The following TRAFD1 variants were observed in gnomAD, a reference collection of about 807,000 sequenced individuals.
The protein encoded by TRAFD1 is TRAF-type zinc finger domain-containing protein 1.
TRAFD1 carries 38 observed loss-of-function variants against 65.3 expected under a neutral mutation model. The ratio of observed to expected loss-of-function variants is 0.58; its 90% confidence interval spans 0.45 to 0.76. The LOEUF is 0.76. Among genes scored for constraint, TRAFD1 ranks in the 30% least tolerant of loss-of-function variants. The probability of loss-of-function intolerance (pLI) is 0.00; values close to 1 mark genes in which losing one functional copy is unlikely to be tolerated. For synonymous variants in TRAFD1, 223 were observed against 257.2 expected (o/e 0.87, Z 1.27); for missense variants, 631 against 712.6 (o/e 0.89, Z 1.30).
At chr12:112,145,457 C>A in intron 6 of TRAFD1, 129 bp from the exon 7 acceptor site, 5 of 858,978 alleles carry the variant, frequency 5.8e-6, no homozygotes, top group Non-Finnish European at 9.0e-6. Context: ...TACAGCCCCA[C>A]AAATTGCTAT....
intron 4 of TRAFD1, among the ~76,000 whole-genome samples, chr12:112,135,274 C>T (rs1289573504): frequency 3.3e-5 from 5 of 152,152 alleles, no homozygotes; most frequent in South Asian, 2.1e-4. Flanking sequence ...TGTTGAGACT[C>T]GCGAAGTATC....
At position 112,148,112 on chromosome 12, in the gene TRAFD1, T is replaced by C; in HGVS notation, c.966T>C (p.Asn322=). 3 of 1,614,198 alleles carry C rather than the reference T, an allele frequency of 1.9e-6. No homozygotes were observed. The highest frequency in any genetic ancestry group is 2.5e-6 in the Non-Finnish European group (3 of 1,179,994). The change falls in exon 8 of 12, where the codon AAT becomes AAC. Residue 322 remains asparagine, a synonymous_variant. Coordinates refer to ENST00000412615, the MANE Select transcript of TRAFD1 (RefSeq NM_006700.3). ...CNPSRALPSL[N]TGSSSPRGVE... The stretch of plus-strand genomic sequence containing the variant: ...CTTCACGTGCCTTACCTTCACTCAA[T>C]ACTGGCAGCTCTTCCCCCAGAGGGG...
rs995721280 is a variant in TRAFD1 at position 112,153,082 on chromosome 12, G to A, written c.*291G>A. 1.4e-5 allele frequency: 5 copies of A among 370,156 alleles called. No individual in the cohort carries two copies. The South Asian group carries it at 1.6e-4, about 12-fold the overall frequency. The allele number at this position is 370,156 out of a possible 1,614,324, so 22.9% of individuals were successfully genotyped here. A position where few individuals can be genotyped will look rare whatever the true frequency, so the allele number is the denominator to read the frequency against. ...CAGGGCTCCCTTTTGACTTATTGTC[G>A]CCACTGCCCCTTGGTGCTGTGTGGT... On this transcript the variant is annotated 3_prime_UTR_variant, in exon 12 of 12. Coordinates refer to ENST00000412615, the MANE Select transcript of TRAFD1 (RefSeq NM_006700.3).
rs1474256660 is a variant in TRAFD1, at chr12:112,130,570, G to A, written c.47+1G>A. ...AGGAAACTCGACTGTGTGACAACTG[G>A]TAAGACATTAAATCTAAGAAATGTT... On this transcript the variant is annotated splice_donor_variant, in intron 2 of 11. Coordinates refer to ENST00000412615, the MANE Select transcript of TRAFD1 (RefSeq NM_006700.3). LOFTEE classifies it high-confidence loss of function. This position sits in a 1 kb window ranked among gnomAD's most constrained non-coding sequence, Gnocchi z 4.4. The A allele has an allele frequency of 1.2e-6, 2 of 1,611,610 alleles. No homozygotes were observed. Among genetic ancestry groups the A allele is most frequent in the Admixed American group, 1.7e-5 (1 of 59,902 alleles).
chr12:112,149,925 C>A, intron 9 of TRAFD1, 54 bp downstream of exon 9: 1 of 1,604,508 alleles, frequency 6.2e-7, no homozygotes, highest in Non-Finnish European at 8.5e-7. Flanking sequence ...TGGCTCCGGC[C>A]TGTTTACCAC....
chr12:112,131,801 A>G (rs1215941338), intron 2 of TRAFD1, among the ~76,000 whole-genome samples: 1 of 152,232 alleles, frequency 6.6e-6, no homozygotes, highest in Non-Finnish European at 1.5e-5. Flanking sequence ...TAAAAGAAAA[A>G]AACCCAGCAG....
chr12:112,128,819 T>C (rs1394405653), intron 1 of TRAFD1, among the ~76,000 whole-genome samples: 4 of 151,856 alleles, frequency 2.6e-5, no homozygotes. Flanking sequence ...GGCTGGTGGA[T>C]CATATGAGGT....
intron 2 of TRAFD1, among the ~76,000 whole-genome samples, chr12:112,131,658 T>C (rs953810151): frequency 6.6e-6 from 1 of 152,202 alleles, no homozygotes; most frequent in Non-Finnish European, 1.5e-5. Context: ...TTTAGCAGTT[T>C]TATCTGGATA....
intron 1 of TRAFD1, among the ~76,000 whole-genome samples, chr12:112,126,336 A>G (rs1323451770): frequency 6.6e-6 from 1 of 152,090 alleles, no homozygotes; most frequent in Non-Finnish European, 1.5e-5. Context: ...CTGACCCCCA[A>G]CAGGCTCCTT....
chr12:112,142,400 C>A, intron 6 of TRAFD1, 105 bp downstream of exon 6: 3 of 1,353,806 alleles, frequency 2.2e-6, no homozygotes, highest in Non-Finnish European at 3.0e-6. Context: ...TAGAATTTGC[C>A]TTACTCTTTT....
intron 6 of TRAFD1, among the ~76,000 whole-genome samples, chr12:112,143,518 C>T (rs2030148455): frequency 6.6e-6 from 1 of 152,152 alleles, no homozygotes; most frequent in South Asian, 2.1e-4. Flanking sequence ...AGCCACTGCG[C>T]CCAGCCATTC....
chr12:112,137,732 A>G lies in TRAFD1; in HGVS notation c.237+2666A>G, dbSNP rs1280220105. On this transcript the variant is annotated intron_variant, in intron 4 of 11. Transcript: ENST00000412615. This position sits in a 1 kb window ranked among gnomAD's most constrained non-coding sequence, Gnocchi z 4.2. ...AGCCGAGGTTGCGCTACTGCACTTC[A>G]GTCAGGGCGACAGAGCGAGACTCCG... Among the ~76,000 whole-genome samples the G allele has an allele frequency of 6.6e-6, 1 of 152,184 alleles. No individual in the cohort carries two copies. Among genetic ancestry groups the G allele is most frequent in the Non-Finnish European group, 1.5e-5 (1 of 68,038 alleles).
chr12:112,129,863 C>T (rs1166413919), intron 1 of TRAFD1, among the ~76,000 whole-genome samples: 2 of 152,082 alleles, frequency 1.3e-5, no homozygotes, highest in African/African-American at 2.4e-5. Flanking sequence ...AGGATGGTCT[C>T]GATCTCCTGA....
At position 112,135,017 on chromosome 12, in the gene TRAFD1, C is replaced by T. The variant is rs752033709; in HGVS notation, c.188C>T (p.Thr63Ile). The T allele has an allele frequency of 2.5e-6, 4 of 1,614,066 alleles. No individual in the cohort carries two copies. In the Admixed American group the frequency reaches 6.7e-5, roughly 27 times the overall value. The change falls in exon 4 of 12, where the codon ACC becomes ATC. Residue 63 changes from threonine to isoleucine, a missense_variant. Physicochemically the swap from Thr to Ile is moderately conservative, Grantham distance 89 (BLOSUM62 -1). Transcript: ENST00000412615. The part of the protein sequence containing the change: ...THMAAEHCQV[T>I]CKCNKKLEKR... ...GATTCTCACTTCTTACTCTAGGTGA[C>T]CTGCAAATGTAACAAGAAGTTGGAG... is the stretch of plus-strand genomic sequence containing the variant.
chr12:112,135,642 G>C (rs1206072519), intron 4 of TRAFD1, among the ~76,000 whole-genome samples: 1 of 151,836 alleles, frequency 6.6e-6, no homozygotes, highest in Admixed American at 6.6e-5. Flanking sequence ...GCCTGACCTT[G>C]TGATCTGCCT....
At chr12:112,143,735 T>TC (rs2030155029) in intron 6 of TRAFD1, among the ~76,000 whole-genome samples, 1 of 149,064 alleles carries the variant, frequency 6.7e-6, no homozygotes, top group Non-Finnish European at 1.5e-5. Context: ...TTTGGTTTTT[T>TC]TTTTTTTTTT....
At chr12:112,132,032 C>A (rs2079568372) in intron 2 of TRAFD1, among the ~76,000 whole-genome samples, 1 of 151,980 alleles carries the variant, frequency 6.6e-6, no homozygotes, top group Non-Finnish European at 1.5e-5. Context: ...CCTGAACAGC[C>A]TTGTAAAGTA....
In TRAFD1 at chr12:112,126,616, C is replaced by T. The variant is rs142936078; in HGVS notation, c.-13+998C>T. On this transcript the variant is annotated intron_variant, in intron 1 of 11. Coordinates refer to ENST00000412615, the MANE Select transcript of TRAFD1 (RefSeq NM_006700.3). ...GGAATAGAGCACACCTGAAATCAGT[C>T]GGACAGCCTTCCTTAGTTGCCATTT... Among the ~76,000 whole-genome samples, 907 of 152,058 alleles carry T rather than the reference C, an allele frequency of 6.0e-3. 16 individuals carry two copies. The highest frequency in any genetic ancestry group is 0.04 in the East Asian group (208 of 5,166).
At chr12:112,151,093 C>CCGGACGTGGTGG (rs1227497896) in intron 9 of TRAFD1, among the ~76,000 whole-genome samples, 5 of 148,544 alleles carry the variant, frequency 3.4e-5, no homozygotes, top group African/African-American at 1.3e-4. Context: ...CAAAAATTAG[C>CCGGACGTGGTGG]CGGGCGTGGT....
Sources: allele counts gnomAD v4.1 joint callset (sites outside exome capture counted in the v4.1 genomes callset), GRCh38; gene constraint gnomAD v4.1.1; non-coding constraint Gnocchi (gnomAD v3.1); transcripts MANE v1.5; gene names NCBI Gene and HGNC (gene_info 2026-07-23, HGNC 2026-07-21).